The following MYCBPAP variants were observed in gnomAD, a reference collection of about 807,000 sequenced individuals.
MYCBPAP encodes MYCBP-associated protein.
A neutral mutation model predicts 106.1 loss-of-function variants in MYCBPAP; 60 were observed. That is an observed-to-expected ratio of 0.57 (90% CI 0.46 to 0.70). The LOEUF (loss-of-function observed/expected upper bound fraction) is 0.70, where lower values mean the gene tolerates loss of function less well. Ranked by LOEUF, MYCBPAP falls within the 30% of genes least tolerant of loss-of-function variation. MYCBPAP has a pLI of 0.00. For synonymous variants in MYCBPAP, 407 were observed against 440.6 expected (o/e 0.92, Z 0.95); for missense variants, 1,064 against 1,169.3 (o/e 0.91, Z 1.31).
upstream of MYCBPAP, among the ~76,000 whole-genome samples, chr17:50,507,854 C>A (rs942053341): frequency 1.2e-4 from 18 of 152,144 alleles, no homozygotes; most frequent in African/African-American, 3.9e-4. Flanking sequence ...ACACAAAAAA[C>A]CGAAATAATC....
chr17:50,508,472 G>T lies in MYCBPAP; in HGVS notation c.-203G>T. ...CTAGGGGTCCGTCGCTCTTGAAGCC[G>T]CCGGCGGCGGGCGCGTGCGCGGCCC... On this transcript the variant is annotated 5_prime_UTR_variant, in exon 1 of 19. Coordinates refer to ENST00000323776, the MANE Select transcript of MYCBPAP (RefSeq NM_032133.6). The T allele has an allele frequency of 3.5e-6, 5 of 1,438,684 alleles. No homozygotes were observed. Among genetic ancestry groups the T allele is most frequent in the South Asian group, 2.6e-5 (2 of 76,844 alleles). 89.1% of individuals were successfully genotyped at this position (1,438,684 alleles called of 1,614,324 possible).
chr17:50,519,853 G>A (rs915299205), intron 7 of MYCBPAP, 66 bp downstream of exon 7: 28 of 1,550,642 alleles, frequency 1.8e-5, no homozygotes, highest in Non-Finnish European at 2.4e-5. Flanking sequence ...TAGTGTGGAA[G>A]TGGCCAGCAT....
Position 50,508,460 on chromosome 17 carries a change from G to T in MYCBPAP, c.-215G>T. 1 of 1,350,320 alleles carries T rather than the reference G, an allele frequency of 7.4e-7. No individual in the cohort carries two copies. The allele number at this position is 1,350,320 out of a possible 1,614,324, so 83.6% of individuals were successfully genotyped here. On this transcript the variant is annotated 5_prime_UTR_variant, in exon 1 of 19. Coordinates refer to ENST00000323776, the MANE Select transcript of MYCBPAP (RefSeq NM_032133.6). ...CCGCAGGGCTTTCTAGGGGTCCGTCGCTCTTGAAGCCGCCGGCGGCGGGCG... is the reference window on the plus strand; with the variant it reads ...CCGCAGGGCTTTCTAGGGGTCCGTCTCTCTTGAAGCCGCCGGCGGCGGGCG...
At chr17:50,514,739 G>C (rs1173716996) in intron 1 of MYCBPAP, 9 of 239,490 alleles carry the variant, frequency 3.8e-5, no homozygotes, top group Non-Finnish European at 6.9e-5. Context: ...GCTCACTGCA[G>C]CCTTCACTTC....
chr17:50,529,294 C>A, intron 18 of MYCBPAP, 106 bp downstream of exon 18: 1 of 1,128,906 alleles, frequency 8.9e-7, no homozygotes, highest in Non-Finnish European at 1.2e-6. Flanking sequence ...GGAAGCAGAG[C>A]TGCTTCAGGA....
chr17:50,515,373 C>A (rs1262974315), intron 1 of MYCBPAP, among the ~76,000 whole-genome samples: 1 of 151,010 alleles, frequency 6.6e-6, no homozygotes, highest in Non-Finnish European at 1.5e-5. Context: ...CAGTGCCTGG[C>A]ATGTAGAAGC....
chr17:50,517,516 C>A (rs778187345), intron 3 of MYCBPAP, 64 bp downstream of exon 3: 1 of 1,613,752 alleles, frequency 6.2e-7, no homozygotes, highest in Admixed American at 1.7e-5. Context: ...CAAGAGAAAC[C>A]CAGTCTCCAT....
In MYCBPAP at chr17:50,521,416, A is replaced by T. The variant is rs1790087340; in HGVS notation, c.1133A>T (p.Glu378Val). The T allele has an allele frequency of 6.3e-7, 1 of 1,596,176 alleles. No individual in the cohort carries two copies. The highest frequency in any genetic ancestry group is 1.3e-5 in the African/African-American group (1 of 74,560). Residue 378 changes from glutamate to valine, a missense_variant, in exon 9 of 19, where the codon GAA becomes GTA. By Grantham distance (121) the Glu-to-Val change is moderately radical. Coordinates refer to ENST00000323776, the MANE Select transcript of MYCBPAP (RefSeq NM_032133.6). ...VFERSQGSSS[E>V]DTAYLGTLAS... is the part of the protein sequence containing the mutation. ...GAAAGAAGTCAGGGAAGCTCCTCTG[A>T]AGACACAGCATACTTGTGAGTGCAG...
intron 2 of MYCBPAP, among the ~76,000 whole-genome samples, 198 bp from the exon 3 acceptor site, chr17:50,517,095 C>T (rs1261331367): frequency 6.6e-6 from 1 of 151,882 alleles, no homozygotes; most frequent in Non-Finnish European, 1.5e-5. Flanking sequence ...ATAAGATGTT[C>T]TTTTTTTTCC....
chr17:50,523,590 C>T lies in MYCBPAP; in HGVS notation c.1448-7C>T. ...TGTTGAAAACCTCGGGTCTCTGTCC[C>T]TCTCAGGTGTGATTCTGCCTGGAGA... is the stretch of plus-strand genomic sequence containing the variant. On this transcript the variant is annotated splice_region_variant and splice_polypyrimidine_tract_variant and intron_variant, in intron 11 of 18. Coordinates refer to ENST00000323776, the MANE Select transcript of MYCBPAP (RefSeq NM_032133.6). 3 of 1,614,086 alleles carry T rather than the reference C, an allele frequency of 1.9e-6. No homozygotes were observed. The highest frequency in any genetic ancestry group is 1.7e-6 in the Non-Finnish European group (2 of 1,179,980).
chr17:50,529,546 G>A, intron 18 of MYCBPAP: 1 of 376,758 alleles, frequency 2.7e-6, no homozygotes. Flanking sequence ...GAAGGGAGAG[G>A]GCAGTAGTGG....
chr17:50,514,580 C>T (rs1031166983), intron 1 of MYCBPAP, among the ~76,000 whole-genome samples: 83 of 152,238 alleles, frequency 5.5e-4, no homozygotes, highest in African/African-American at 2.0e-3. Context: ...CCCCCTTCTG[C>T]CCCGGGTGTT....
chr17:50,531,084 CAA>C (rs1319807094), intron 18 of MYCBPAP, among the ~76,000 whole-genome samples: 3 of 149,178 alleles, frequency 2.0e-5, no homozygotes, highest in Non-Finnish European at 4.4e-5. Flanking sequence ...CCAGGGAAGT[CAA>C]GGCTGCAGTG....
intron 4 of MYCBPAP, 83 bp from the exon 5 acceptor site, chr17:50,518,458 G>T: frequency 8.0e-7 from 1 of 1,246,526 alleles, no homozygotes; most frequent in South Asian, 1.8e-5. Flanking sequence ...ATAACAGCAC[G>T]GGTTTAGGCC....
At position 50,521,326 on chromosome 17, in the gene MYCBPAP, G is replaced by T. The variant is rs757090009; in HGVS notation, c.1043G>T (p.Gly348Val). Reference sequence around the variant, plus strand: ...CTCCATCTCTCGGAGGATATTGATGGCCTGGAGGTGGTGGGCAAAGGGTGG... The same window carrying T: ...CTCCATCTCTCGGAGGATATTGATGTCCTGGAGGTGGTGGGCAAAGGGTGG... ...ELDFSQQDID[G>V]LEVVGKGWPF... Residue 348 changes from glycine (G) to valine (V), a missense_variant, in exon 9 of 19, where the codon GGC becomes GTC. By Grantham distance (109) the Gly-to-Val change is moderately radical. Transcript: ENST00000323776. The T allele has an allele frequency of 1.2e-6, 2 of 1,602,672 alleles. No homozygotes were observed. The highest frequency in any genetic ancestry group is 4.5e-5 in the East Asian group (2 of 44,644).
intron 12 of MYCBPAP, among the ~76,000 whole-genome samples, chr17:50,524,416 T>A (rs1286988471): frequency 6.6e-6 from 1 of 152,160 alleles, no homozygotes; most frequent in Admixed American, 6.5e-5. Context: ...ATTTTGACAA[T>A]GTCATGCTTG....
Position 50,526,203 on chromosome 17 carries a change from G to A in MYCBPAP, c.2105G>A (p.Ser702Asn). ...AGCCCAGATGTGGACAGCACCAAGAGCCCCTGGGAGCCGGATGGCCTTCCC... is the reference window on the plus strand; with the variant it reads ...AGCCCAGATGTGGACAGCACCAAGAACCCCTGGGAGCCGGATGGCCTTCCC... ...EESPDVDSTK[S>N]PWEPDGLPLL... is the part of the protein sequence containing the mutation. Residue 702 changes from serine (S) to asparagine (N), a missense_variant, in exon 14 of 19, where the codon AGC becomes AAC. Coordinates refer to ENST00000323776, the MANE Select transcript of MYCBPAP (RefSeq NM_032133.6). 6.2e-7 allele frequency: 1 copy of A among 1,613,276 alleles called. No homozygotes were observed. The highest frequency in any genetic ancestry group is 2.2e-5 in the East Asian group (1 of 44,864).
chr17:50,511,176 A>G (rs1366814936), intron 1 of MYCBPAP, among the ~76,000 whole-genome samples: 1 of 152,112 alleles, frequency 6.6e-6, no homozygotes, highest in African/African-American at 2.4e-5. Context: ...CTAATGACCC[A>G]GTGTCATTTT....
chr17:50,519,120 C>A, intron 6 of MYCBPAP, 31 bp downstream of exon 6: 1 of 1,434,320 alleles, frequency 7.0e-7, no homozygotes, highest in East Asian at 2.6e-5. Context: ...TGCCCGGGGG[C>A]AGGGGGGTCC....
Sources: allele counts gnomAD v4.1 joint callset (sites outside exome capture counted in the v4.1 genomes callset), GRCh38; gene constraint gnomAD v4.1.1; transcripts MANE v1.5; gene names NCBI Gene and HGNC (gene_info 2026-07-23, HGNC 2026-07-21).